The following RIMS1 variants were observed in gnomAD, a reference collection of about 807,000 sequenced individuals.
RIMS1 encodes the protein regulating synaptic membrane exocytosis 1.
In RIMS1, 83 loss-of-function variants were observed where a neutral mutation model predicts 214.1. That is an observed-to-expected ratio of 0.39 (90% CI 0.32 to 0.47). The LOEUF is 0.47. Ranked by LOEUF, RIMS1 falls within the 20% of genes least tolerant of loss-of-function variation. RIMS1 has a pLI of 0.99. For synonymous variants in RIMS1, 793 were observed against 786.8 expected, an observed-to-expected ratio of 1.01 and a Z score of -0.13; for missense variants, 2,050 against 2,161.8, an observed-to-expected ratio of 0.95 and a Z score of 1.03.
At chr6:71,991,907 T>C (rs1284483469) in intron 2 of RIMS1, among the ~76,000 whole-genome samples, 1 of 151,918 alleles carries the variant, frequency 6.6e-6, no homozygotes, top group African/African-American at 2.4e-5. Context: ...CTAATAAAAA[T>C]ACAAAAAGTT....
intron 4 of RIMS1, among the ~76,000 whole-genome samples, chr6:72,160,306 A>G (rs887807643): frequency 2.1e-5 from 3 of 139,576 alleles, no homozygotes; most frequent in African/African-American, 7.4e-5. Context: ...GGTTTTCTAG[A>G]TATACAATCA....
At chr6:71,976,095 A>G (rs959053452) in intron 2 of RIMS1, among the ~76,000 whole-genome samples, 1 of 152,126 alleles carries the variant, frequency 6.6e-6, no homozygotes, top group Non-Finnish European at 1.5e-5. Context: ...TTGCTGGGTC[A>G]TATGGTAACT....
intron 2 of RIMS1, among the ~76,000 whole-genome samples, chr6:72,094,211 T>C (rs1586815460): frequency 6.6e-6 from 1 of 152,146 alleles, no homozygotes; most frequent in Admixed American, 6.6e-5. Flanking sequence ...ACAAAGGAAG[T>C]GTATGCCTGA....
At chr6:72,100,029 G>C in intron 4 of RIMS1, 43 bp downstream of exon 4, 1 of 1,516,126 alleles carries the variant, frequency 6.6e-7, no homozygotes. Context: ...TTATTGTATT[G>C]TTGTGAACTT....
chr6:72,125,419 C>T (rs1222522521), intron 4 of RIMS1, among the ~76,000 whole-genome samples: 1 of 152,194 alleles, frequency 6.6e-6, no homozygotes, highest in Non-Finnish European at 1.5e-5. Context: ...CAGGTGTCTC[C>T]CAGTTAGGCT....
At chr6:72,398,852 A>G (rs1261320302) in intron 32 of RIMS1, 103 bp from the exon 33 acceptor site, 2 of 682,170 alleles carry the variant, frequency 2.9e-6, no homozygotes, top group Non-Finnish European at 4.8e-6. Flanking sequence ...TCAATGGGAA[A>G]CTTTCAGTAA....
chr6:72,064,097 C>A (rs994967476), intron 2 of RIMS1, among the ~76,000 whole-genome samples: 2 of 152,188 alleles, frequency 1.3e-5, no homozygotes, highest in Non-Finnish European at 2.9e-5. Flanking sequence ...GTGGGTGGAT[C>A]ACCTGAGGTC....
intron 30 of RIMS1, 49 bp from the exon 31 acceptor site, chr6:72,392,649 A>G: frequency 8.0e-7 from 1 of 1,248,512 alleles, no homozygotes; most frequent in Non-Finnish European, 1.2e-6. Context: ...AAAGAATTCT[A>G]GAAGATTTCA....
At chr6:72,091,983 T>C (rs946833521) in intron 2 of RIMS1, among the ~76,000 whole-genome samples, 1 of 152,234 alleles carries the variant, frequency 6.6e-6, no homozygotes, top group Non-Finnish European at 1.5e-5. Flanking sequence ...TTATTCATAA[T>C]AGAACACTGT....
At chr6:72,202,512 T>A (rs529019597) in intron 6 of RIMS1, among the ~76,000 whole-genome samples, 11 of 152,220 alleles carry the variant, frequency 7.2e-5, no homozygotes, top group Non-Finnish European at 1.5e-4. Flanking sequence ...TAATTGCATC[T>A]TTAAAGACTC....
At chr6:72,226,222 C>A (rs565204245) in intron 6 of RIMS1, among the ~76,000 whole-genome samples, 2 of 152,030 alleles carry the variant, frequency 1.3e-5, no homozygotes, top group Admixed American at 1.3e-4. Context: ...TAGCACCAGG[C>A]CAATGTAGAG....
intron 4 of RIMS1, among the ~76,000 whole-genome samples, chr6:72,130,504 A>G (rs1380715506): frequency 1.3e-5 from 2 of 152,190 alleles, no homozygotes; most frequent in Non-Finnish European, 2.9e-5. Context: ...AAAGTAGGTC[A>G]TAATGAGGGA....
chr6:72,322,567 CTGAACAAGAACAAATAA>C (rs1180722145), intron 28 of RIMS1, among the ~76,000 whole-genome samples: 41 of 151,936 alleles, frequency 2.7e-4, no homozygotes, highest in African/African-American at 7.7e-4. Flanking sequence ...ACTATAAAAG[CTGAACAAGAACAAATAA>C]TGAACAAGAA....
At chr6:72,024,908 T>TTTTTTTTG in intron 2 of RIMS1, among the ~76,000 whole-genome samples, 1 of 141,736 alleles carries the variant, frequency 7.1e-6, no homozygotes, top group Non-Finnish European at 1.5e-5. Flanking sequence ...GGGTTTTTTT[T>TTTTTTTTG]TTTTTTTTTT....
At chr6:72,356,470 G>A (rs544582584) in intron 29 of RIMS1, among the ~76,000 whole-genome samples, 58 of 152,186 alleles carry the variant, frequency 3.8e-4, no homozygotes, top group Non-Finnish European at 1.2e-4. Context: ...AAAAAATAAT[G>A]AGATGTGTCC....
In RIMS1 at chr6:72,290,739, A is replaced by G; in HGVS notation, c.3615A>G (p.Pro1205=). The G allele has an allele frequency of 6.2e-7, 1 of 1,613,846 alleles. No homozygotes were observed. Among genetic ancestry groups the G allele is most frequent in the Non-Finnish European group, 8.5e-7 (1 of 1,179,798 alleles). Residue 1205 remains proline (P), a synonymous_variant, in exon 25 of 34, where the codon CCA becomes CCG. Transcript: ENST00000521978. ...CAGCCCCAAGAGCAACTGATCAGCC[A>G]GTCATTAGGGGAAAACATCCTGCTC... ...GHAAPRATDQ[P]VIRGKHPARS...
intron 2 of RIMS1, among the ~76,000 whole-genome samples, chr6:72,007,243 A>G (rs1349853444): frequency 6.6e-6 from 1 of 152,236 alleles, no homozygotes; most frequent in Non-Finnish European, 1.5e-5. Context: ...GCAAACTCCA[A>G]CAGACCTGCA....
intron 1 of RIMS1, among the ~76,000 whole-genome samples, chr6:71,888,494 C>G (rs1056198391): frequency 3.3e-5 from 5 of 152,146 alleles, no homozygotes; most frequent in Admixed American, 2.0e-4. Flanking sequence ...TCCCCCACCC[C>G]CTAGAAGTGC....
chr6:72,289,889 G>C (rs1273887621), intron 24 of RIMS1, among the ~76,000 whole-genome samples: 1 of 151,694 alleles, frequency 6.6e-6, no homozygotes, highest in African/African-American at 2.4e-5. Context: ...AATGAAAAAG[G>C]CAAAAGCATG....
Sources: allele counts gnomAD v4.1 joint callset (sites outside exome capture counted in the v4.1 genomes callset), GRCh38; gene constraint gnomAD v4.1.1; transcripts MANE v1.5; gene names NCBI Gene and HGNC (gene_info 2026-07-23, HGNC 2026-07-21).